Variants in PXDNL observed in about 807,000 individuals in gnomAD.
PXDNL encodes probable oxidoreductase PXDNL.
PXDNL carries 145 observed loss-of-function variants against 150.8 expected under a neutral mutation model. That is an observed-to-expected ratio of 0.96 (90% CI 0.84 to 1.10). PXDNL has a LOEUF of 1.10. PXDNL is among the 50% of genes least tolerant of loss of function. The pLI, the probability that PXDNL is intolerant of heterozygous loss-of-function variation, is 0.00. For synonymous variants in PXDNL, 757 were observed against 725.7 expected (o/e 1.04, Z -0.69); for missense variants, 2,087 against 1,873.9 (o/e 1.11, Z -2.10).
rs1186011884 is a variant in PXDNL at position 51,320,737 on chromosome 8, G to T, written c.4260+47C>A. 1.8e-5 allele frequency: 23 copies of T among 1,297,294 alleles called. No homozygotes were observed. The East Asian group carries it at 4.6e-4, about 26-fold the overall frequency. The allele number at this position is 1,297,294 out of a possible 1,614,324, so 80.4% of individuals were successfully genotyped here. ...TTTTCAAGTATGCTTCAACTGGCTGGCTAGAAGTGAAATGGGGAGTTGGAC... is the reference window on the plus strand; with the variant it reads ...TTTTCAAGTATGCTTCAACTGGCTGTCTAGAAGTGAAATGGGGAGTTGGAC... On this transcript the variant is annotated intron_variant, in intron 22 of 22. Coordinates refer to ENST00000356297, the MANE Select transcript of PXDNL (RefSeq NM_144651.5).
intron 8 of PXDNL, among the ~76,000 whole-genome samples, chr8:51,460,566 T>C (rs1439579013): frequency 2.7e-5 from 4 of 149,926 alleles, no homozygotes; most frequent in African/African-American, 7.4e-5. Flanking sequence ...ACACAGCCAC[T>C]GAGGCTGAAT....
chr8:51,510,123 A>C (rs114768626), intron 4 of PXDNL, among the ~76,000 whole-genome samples: 3,836 of 152,264 alleles, frequency 0.025, 60 homozygotes, highest in Middle Eastern at 0.048. Context: ...AGGCCAAGTC[A>C]CCTATGAAAT....
chr8:51,564,829 A>C (rs560554791), intron 3 of PXDNL, among the ~76,000 whole-genome samples: 1 of 152,154 alleles, frequency 6.6e-6, no homozygotes, highest in African/African-American at 2.4e-5. Context: ...ACTTTGATAC[A>C]TTAACCTTGA....
In PXDNL at chr8:51,780,088, G is replaced by A. The variant is rs903425227; in HGVS notation, c.164+29093C>T. On this transcript the variant is annotated intron_variant, in intron 1 of 22. Transcript: ENST00000356297. ...TAGCTGGGCGTGATGGCAGGTGTCT[G>A]TAATCCCAAACTACTGAGGAGGCTG... 6.6e-5 allele frequency among the ~76,000 whole-genome samples: 10 copies of A among 152,258 alleles called. No homozygotes were observed. In the South Asian group the frequency reaches 8.3e-4, roughly 13 times the overall value.
intron 2 of PXDNL, among the ~76,000 whole-genome samples, chr8:51,604,884 TCA>T (rs869084999): frequency 5.3e-5 from 8 of 150,320 alleles, no homozygotes; most frequent in African/African-American, 2.0e-4. Context: ...ATATACATCA[TCA>T]CATGACTTCC....
At chr8:51,667,749 C>T (rs1229078634) in intron 1 of PXDNL, among the ~76,000 whole-genome samples, 2 of 152,232 alleles carry the variant, frequency 1.3e-5, no homozygotes, top group Non-Finnish European at 1.5e-5. Flanking sequence ...TTCAGTTCTT[C>T]TTGCTAAAAA....
At chr8:51,568,443 G>T in intron 3 of PXDNL, among the ~76,000 whole-genome samples, 1 of 151,638 alleles carries the variant, frequency 6.6e-6, no homozygotes. Context: ...TGCTCTTTTT[G>T]CTTACATGTT....
intron 6 of PXDNL, among the ~76,000 whole-genome samples, chr8:51,475,421 A>ATAAT (rs111906769): frequency 0.2 from 31,112 of 151,992 alleles, 4,277 homozygotes; most frequent in African/African-American, 0.39. Context: ...TTATAAATAA[A>ATAAT]TGTGAGGTGA....
At chr8:51,376,560 ATCTC>A (rs752743810) in intron 17 of PXDNL, among the ~76,000 whole-genome samples, 56 of 151,490 alleles carry the variant, frequency 3.7e-4, no homozygotes, top group Non-Finnish European at 4.7e-4. Context: ...TTTGAAATAC[ATCTC>A]TCTCTCTCTC....
At chr8:51,679,457 A>T (rs1378087006) in intron 1 of PXDNL, among the ~76,000 whole-genome samples, 2 of 152,230 alleles carry the variant, frequency 1.3e-5, no homozygotes, top group Non-Finnish European at 2.9e-5. Context: ...TACTTAACAT[A>T]TCATTTGTAA....
intron 4 of PXDNL, among the ~76,000 whole-genome samples, chr8:51,518,246 G>T (rs1014108488): frequency 5.3e-5 from 8 of 152,118 alleles, no homozygotes; most frequent in Admixed American, 2.0e-4. Context: ...TTTCCAACTG[G>T]CCTATAAGAG....
chr8:51,449,896 A>G (rs1809764502), intron 10 of PXDNL, among the ~76,000 whole-genome samples: 1 of 152,222 alleles, frequency 6.6e-6, no homozygotes, highest in South Asian at 2.1e-4. Flanking sequence ...TATGAGGCAA[A>G]TCCATACAGT....
In PXDNL at chr8:51,809,311, A is replaced by C; in HGVS notation, c.34T>G (p.Phe12Val). Residue 12 changes from phenylalanine to valine, a missense_variant, in exon 1 of 23, where the codon TTT becomes GTT. Physicochemically the swap from Phe to Val is conservative, Grantham distance 50. Coordinates refer to ENST00000356297, the MANE Select transcript of PXDNL (RefSeq NM_144651.5). ...GGCAGGCACCACCCGGCCAGGAGAA[A>C]GAGAGTGGTCCAGCAGAACAGTCTG... ...EPRLFCWTTL[F>V]LLAGWCLPGL... 6.4e-7 allele frequency: 1 copy of C among 1,572,262 alleles called. No homozygotes were observed. The highest frequency in any genetic ancestry group is 8.6e-7 in the Non-Finnish European group (1 of 1,158,752).
intron 21 of PXDNL, among the ~76,000 whole-genome samples, chr8:51,330,809 C>T (rs1047851098): frequency 3.3e-5 from 5 of 152,142 alleles, no homozygotes; most frequent in African/African-American, 1.2e-4. Context: ...TAATCCATTC[C>T]AAGCCTCAAA....
In PXDNL at chr8:51,371,910, C is replaced by A. The variant is rs369118716; in HGVS notation, c.3864G>T (p.Pro1288=). 3.7e-6 allele frequency: 6 copies of A among 1,613,862 alleles called. No homozygotes were observed. The African/African-American group carries it at 8.0e-5, about 22-fold the overall frequency. The change falls in exon 19 of 23, where the codon CCG becomes CCT. Residue 1288 remains proline, a synonymous_variant. Coordinates refer to ENST00000356297, the MANE Select transcript of PXDNL (RefSeq NM_144651.5). Reference sequence around the variant, plus strand: ...CTTGCCACACTCGCAGGTCCACCTTCGGGATCTCGCTGCAGTTCAGGTAAT... The same window carrying A: ...CTTGCCACACTCGCAGGTCCACCTTAGGGATCTCGCTGCAGTTCAGGTAAT... ...PQDYLNCSEI[P]KVDLRVWQDC... is the part of the protein sequence containing the mutation.
intron 2 of PXDNL, among the ~76,000 whole-genome samples, chr8:51,619,428 G>C (rs1475237537): frequency 6.6e-6 from 1 of 152,168 alleles, no homozygotes; most frequent in African/African-American, 2.4e-5. Context: ...GACAGGCCTT[G>C]CCAGGTAATA....
At chr8:51,727,829 C>T (rs1393332872) in intron 1 of PXDNL, among the ~76,000 whole-genome samples, 1 of 152,208 alleles carries the variant, frequency 6.6e-6, no homozygotes, top group Non-Finnish European at 1.5e-5. Context: ...AAGCTCAGTG[C>T]TCACTCTAGC....
chr8:51,696,767 T>TGACACACA (rs1563510193), intron 1 of PXDNL, among the ~76,000 whole-genome samples: 2 of 2,544 alleles, frequency 7.9e-4, no homozygotes, highest in African/African-American at 1.4e-3. Context: ...ACATAGGTCT[T>TGACACACA]CACAGGTCCA....
At chr8:51,757,610 A>G (rs1301662544) in intron 1 of PXDNL, among the ~76,000 whole-genome samples, 1 of 152,226 alleles carries the variant, frequency 6.6e-6, no homozygotes, top group African/African-American at 2.4e-5. Context: ...GCTCATCTCC[A>G]TTGTTATGGC....
Sources: gnomAD v4.1 joint callset for allele counts (sites outside exome capture counted in the v4.1 genomes callset) on GRCh38, gnomAD v4.1.1 for gene constraint, MANE v1.5 for transcripts, NCBI Gene and HGNC (gene_info 2026-07-23, HGNC 2026-07-21) for gene names.